EDRF1: variants seen among roughly 807,000 people sequenced by gnomAD.
EDRF1 encodes erythroid differentiation-related factor 1.
EDRF1 carries 69 observed loss-of-function variants against 148.7 expected under a neutral mutation model. The observed-to-expected ratio is 0.46, with a 90% confidence interval of 0.38 to 0.57. EDRF1 has a LOEUF of 0.57. Among genes scored for constraint, EDRF1 ranks in the 20% least tolerant of loss-of-function variants. EDRF1 has a pLI of 0.00. For synonymous variants in EDRF1, 515 were observed against 532.8 expected (o/e 0.97, Z 0.46); for missense variants, 1,118 against 1,478.7 (o/e 0.76, Z 4.00).
In EDRF1 at chr10:125,737,628, C is replaced by T. The variant is rs138305909; in HGVS notation, c.1759-290C>T. 2.3e-3 allele frequency among the ~76,000 whole-genome samples: 344 copies of T among 152,244 alleles called. 1 individual carries two copies. Among genetic ancestry groups the T allele is most frequent in the African/African-American group, 7.7e-3 (321 of 41,546 alleles). On this transcript the variant is annotated intron_variant, in intron 13 of 24. Coordinates refer to ENST00000356792, the MANE Select transcript of EDRF1 (RefSeq NM_001202438.2). Reference sequence around the variant, plus strand: ...GTGATACTTGTTATTTCTAAATTGACGCTAATTGTTAATTGTGTTTTGTCC... The same window carrying T: ...GTGATACTTGTTATTTCTAAATTGATGCTAATTGTTAATTGTGTTTTGTCC...
At chr10:125,758,683 C>T (rs2133767382) in intron 24 of EDRF1, among the ~76,000 whole-genome samples, 1 of 152,252 alleles carries the variant, frequency 6.6e-6, no homozygotes, top group East Asian at 1.9e-4. Flanking sequence ...AGCTCTAGGT[C>T]TTTCTTTTGT....
chr10:125,749,337 ATAAC>A, intron 21 of EDRF1, 71 bp from the exon 22 acceptor site: 1 of 1,557,958 alleles, frequency 6.4e-7, no homozygotes, highest in Non-Finnish European at 8.9e-7. Context: ...TGGGGGAAAA[ATAAC>A]TAAGAAGCAC....
intron 2 of EDRF1, among the ~76,000 whole-genome samples, chr10:125,722,769 T>G (rs577340033): frequency 4.3e-4 from 65 of 152,350 alleles, no homozygotes; most frequent in Middle Eastern, 3.4e-3. Flanking sequence ...GTTTTGTGAT[T>G]ACAAAAATAA....
At chr10:125,742,183 G>A in intron 17 of EDRF1, 1 of 1,263,776 alleles carries the variant, frequency 7.9e-7, no homozygotes, top group Non-Finnish European at 1.0e-6. Context: ...ATAGCCACCT[G>A]TCTTGCTTAA....
At chr10:125,761,166 A>G (rs1026822615) in intron 24 of EDRF1, 11 of 359,534 alleles carry the variant, frequency 3.1e-5, no homozygotes, top group Admixed American at 1.5e-4. Flanking sequence ...TTAGATTCCT[A>G]TAGAATTAGA....
At chr10:125,749,150 G>A (rs1011585166) in intron 21 of EDRF1, 13 of 461,738 alleles carry the variant, frequency 2.8e-5, no homozygotes, top group Non-Finnish European at 4.8e-5. Context: ...GGGAGGCTGA[G>A]GCAGGGGAAT....
intron 12 of EDRF1, 145 bp from the exon 13 acceptor site, chr10:125,735,499 C>A: frequency 1.3e-6 from 1 of 771,930 alleles, no homozygotes; most frequent in Non-Finnish European, 2.1e-6. Flanking sequence ...TAGCTTTGAA[C>A]TGGGAACATT....
At chr10:125,732,204 G>A (rs1400312640) in intron 9 of EDRF1, among the ~76,000 whole-genome samples, 1 of 152,092 alleles carries the variant, frequency 6.6e-6, no homozygotes, top group African/African-American at 2.4e-5. Flanking sequence ...TCCCTAAATG[G>A]CAACATTTAG....
intron 6 of EDRF1, among the ~76,000 whole-genome samples, chr10:125,727,325 A>T (rs781659256): frequency 6.6e-6 from 1 of 152,180 alleles, no homozygotes; most frequent in South Asian, 2.1e-4. Flanking sequence ...TATTGCTTAA[A>T]TTTCAGCTTT....
In EDRF1 at chr10:125,735,916, G is replaced by A. The variant is rs1379135676; in HGVS notation, c.1758+12G>A. ...TTCATCAAATCAGAGTAAGCCTTTA[G>A]AATTTATATTAAATTTTTATCAAGG... On this transcript the variant is annotated intron_variant, in intron 13 of 24. Transcript: ENST00000356792. 6.3e-7 allele frequency: 1 copy of A among 1,590,138 alleles called. No individual in the cohort carries two copies. The highest frequency in any genetic ancestry group is 8.6e-7 in the Non-Finnish European group (1 of 1,162,444).
In EDRF1 at chr10:125,763,006, G is replaced by C. The variant is rs879469587; in HGVS notation, c.3546-295G>C. ...AGGATGCAAATTCCATAAGGCAGGGGCTTCTTTTTGCCTGTTTTGTTCTCT... is the reference window on the plus strand; with the variant it reads ...AGGATGCAAATTCCATAAGGCAGGGCCTTCTTTTTGCCTGTTTTGTTCTCT... On this transcript the variant is annotated intron_variant, in intron 24 of 24. Coordinates refer to ENST00000356792, the MANE Select transcript of EDRF1 (RefSeq NM_001202438.2). This position sits in a 1 kb window ranked among gnomAD's most constrained non-coding sequence, Gnocchi z 4.3. 2.6e-5 allele frequency among the ~76,000 whole-genome samples: 4 copies of C among 152,096 alleles called. No homozygotes were observed. The highest frequency in any genetic ancestry group is 5.9e-5 in the Non-Finnish European group (4 of 68,022).
chr10:125,758,607 A>G (rs1298003991), intron 24 of EDRF1, among the ~76,000 whole-genome samples: 1 of 152,122 alleles, frequency 6.6e-6, no homozygotes, highest in African/African-American at 2.4e-5. Flanking sequence ...AAGTTTTCCT[A>G]GCAGTCCTCG....
chr10:125,722,896 T>G (rs1017975938), intron 2 of EDRF1, among the ~76,000 whole-genome samples, 172 bp from the exon 3 acceptor site: 1 of 152,134 alleles, frequency 6.6e-6, no homozygotes, highest in Non-Finnish European at 1.5e-5. Context: ...TTAGTACCAC[T>G]AAGAAAAAAA....
chr10:125,750,785 C>T (rs749955194), intron 22 of EDRF1, among the ~76,000 whole-genome samples: 7 of 152,164 alleles, frequency 4.6e-5, no homozygotes, highest in African/African-American at 1.7e-4. Flanking sequence ...TGGCATATAA[C>T]GCATGGCTAG....
chr10:125,726,591 C>A (rs1848265671), intron 6 of EDRF1, among the ~76,000 whole-genome samples: 1 of 152,162 alleles, frequency 6.6e-6, no homozygotes, highest in Non-Finnish European at 1.5e-5. Context: ...TTCCCTCTTG[C>A]TGTTGTGTTC....
In EDRF1 at chr10:125,753,772, A is replaced by G; in HGVS notation, c.3472A>G (p.Ile1158Val). The G allele has an allele frequency of 1.9e-6, 3 of 1,614,076 alleles. No individual in the cohort carries two copies. The highest frequency in any genetic ancestry group is 2.5e-6 in the Non-Finnish European group (3 of 1,180,006). The part of the protein sequence containing the change: ...NREEVMKLLS[I>V]FESRLSFLLL... ...AGAAGAAGTGATGAAACTCCTCAGT[A>G]TATTTGAGTCTCGGTTGTCATTTCT... The change falls in exon 24 of 25, where the codon ATA becomes GTA. Residue 1158 changes from isoleucine to valine, a missense_variant. Ile to Val is a conservative substitution (Grantham distance 29, BLOSUM62 3). Transcript: ENST00000356792.
chr10:125,747,841 T>TC (rs765626031), intron 20 of EDRF1, 22 bp from the exon 21 acceptor site: 4 of 1,613,660 alleles, frequency 2.5e-6, no homozygotes, highest in Non-Finnish European at 3.4e-6. Context: ...TATTTTTTTC[T>TC]TCCCCCTCAA....
At chr10:125,736,709 T>C (rs1270237623) in intron 13 of EDRF1, among the ~76,000 whole-genome samples, 5 of 152,018 alleles carry the variant, frequency 3.3e-5, no homozygotes, top group Admixed American at 1.3e-4. Flanking sequence ...GGGTTTTTTT[T>C]CTCTCAAAAG....
In EDRF1 at chr10:125,723,800, A is replaced by C. The variant is rs572379699; in HGVS notation, c.385-11A>C. 6.2e-7 allele frequency: 1 copy of C among 1,611,030 alleles called. No individual in the cohort carries two copies. The highest frequency in any genetic ancestry group is 1.7e-5 in the Admixed American group (1 of 59,960). On this transcript the variant is annotated splice_polypyrimidine_tract_variant and intron_variant, in intron 3 of 24. Coordinates refer to ENST00000356792, the MANE Select transcript of EDRF1 (RefSeq NM_001202438.2). ...GTCTTTCTAAACTATTTTTTCTCTT[A>C]ATTTTTTAAGAACATAAAAAAACTC...
Sources: gnomAD v4.1 joint callset for allele counts (sites outside exome capture counted in the v4.1 genomes callset) on GRCh38, gnomAD v4.1.1 for gene constraint, Gnocchi (gnomAD v3.1) non-coding constraint, MANE v1.5 for transcripts, NCBI Gene and HGNC (gene_info 2026-07-23, HGNC 2026-07-21) for gene names.